ASPHD2: variants seen among roughly 807,000 people sequenced by gnomAD.
The protein encoded by ASPHD2 is aspartate beta-hydroxylase domain containing 2.
ASPHD2 carries 12 observed loss-of-function variants against 34.6 expected under a neutral mutation model. The observed-to-expected ratio is 0.35, with a 90% confidence interval of 0.22 to 0.56. The LOEUF is 0.56. Ranked by LOEUF, ASPHD2 falls within the 20% of genes least tolerant of loss-of-function variation. The pLI, the probability that ASPHD2 is intolerant of heterozygous loss-of-function variation, is 0.87. For missense variants in ASPHD2, 375 were observed against 505.0 expected, an observed-to-expected ratio of 0.74 and a Z score of 2.47; for synonymous variants, 224 against 212.2, an observed-to-expected ratio of 1.06 and a Z score of -0.48.
chr22:26,442,709 C>T (rs2084859388), intron 3 of ASPHD2, 137 bp downstream of exon 3: 5 of 637,318 alleles, frequency 7.8e-6, no homozygotes, highest in Non-Finnish European at 1.4e-5. Flanking sequence ...CACATATACA[C>T]ACACAGTATT....
intron 2 of ASPHD2, among the ~76,000 whole-genome samples, chr22:26,441,900 G>A (rs1338154141): frequency 6.7e-6 from 1 of 149,194 alleles, no homozygotes; most frequent in Non-Finnish European, 1.5e-5. Context: ...TCCAGCCTGG[G>A]CGACAGAGTG....
In ASPHD2 at chr22:26,433,366, A is replaced by C. The variant is rs1397251773; in HGVS notation, c.-224-26A>C. 1.0e-5 allele frequency: 5 copies of C among 488,992 alleles called. No homozygotes were observed. The highest frequency in any genetic ancestry group is 1.8e-5 in the Non-Finnish European group (5 of 281,792). 30.3% of individuals were successfully genotyped at this position (488,992 alleles called of 1,614,324 possible). A position where few individuals can be genotyped will look rare whatever the true frequency, so the allele number is the denominator to read the frequency against. On this transcript the variant is annotated intron_variant, in intron 1 of 3. Transcript: ENST00000215906. This position sits in a 1 kb window ranked among gnomAD's most constrained non-coding sequence, Gnocchi z 5.1. ...GAGGACTTTTCCAGGTGTAAAATTT[A>C]TGCTGATTTTTTTTTTCCATCCCAG...
intron 2 of ASPHD2, among the ~76,000 whole-genome samples, chr22:26,438,674 TACATAC>T: frequency 8.2e-6 from 1 of 122,566 alleles, no homozygotes; most frequent in South Asian, 2.9e-4. Flanking sequence ...TACACATACA[TACATAC>T]ACACACACAC....
chr22:26,442,196 C>CATTA (rs1555883633), intron 2 of ASPHD2, among the ~76,000 whole-genome samples: 1 of 151,264 alleles, frequency 6.6e-6, no homozygotes, highest in African/African-American at 2.4e-5. Context: ...ATGCTGCTCC[C>CATTA]ATTAGGACCC....
intron 1 of ASPHD2, among the ~76,000 whole-genome samples, chr22:26,430,419 G>A (rs542708793): frequency 3.9e-5 from 6 of 152,316 alleles, no homozygotes; most frequent in Non-Finnish European, 7.4e-5. Flanking sequence ...TGGAAGATCT[G>A]GGGTTGCTTA....
chr22:26,432,712 A>T (rs975052676), intron 1 of ASPHD2, among the ~76,000 whole-genome samples: 1 of 152,220 alleles, frequency 6.6e-6, no homozygotes, highest in Non-Finnish European at 1.5e-5. Context: ...TTTTCCTTTC[A>T]TGACCCTATG....
intron 2 of ASPHD2, among the ~76,000 whole-genome samples, chr22:26,441,838 G>A (rs1003904578): frequency 6.6e-5 from 10 of 152,066 alleles, no homozygotes; most frequent in Non-Finnish European, 1.5e-4. Flanking sequence ...CAGGAGAATC[G>A]CTTGAACCCA....
At chr22:26,438,208 T>C (rs2084804598) in intron 2 of ASPHD2, among the ~76,000 whole-genome samples, 1 of 152,156 alleles carries the variant, frequency 6.6e-6, no homozygotes, top group African/African-American at 2.4e-5. Flanking sequence ...AACCAGCCAG[T>C]AGGGGCACAC....
intron 2 of ASPHD2, among the ~76,000 whole-genome samples, chr22:26,441,194 T>C (rs2146134013): frequency 6.6e-6 from 1 of 152,286 alleles, no homozygotes; most frequent in Admixed American, 6.5e-5. Flanking sequence ...TGAAAGGAGG[T>C]GGCCAGGAGC....
chr22:26,438,469 A>C (rs1016429318), intron 2 of ASPHD2, among the ~76,000 whole-genome samples: 22 of 55,424 alleles, frequency 4.0e-4, no homozygotes, highest in African/African-American at 8.9e-4. Flanking sequence ...ATACACACAC[A>C]CATATATATA....
chr22:26,442,105 CAA>C (rs61233112), intron 2 of ASPHD2, among the ~76,000 whole-genome samples: 37,036 of 97,694 alleles, frequency 0.38, 5,026 homozygotes, highest in South Asian at 0.48. Context: ...GACTCCATTT[CAA>C]AAAAAAAAAA....
intron 2 of ASPHD2, 96 bp from the exon 3 acceptor site, chr22:26,442,363 A>C: frequency 1.1e-6 from 1 of 887,084 alleles, no homozygotes; most frequent in Non-Finnish European, 1.8e-6. Context: ...GTGCTTTAGA[A>C]GTCAAAAACT....
intron 2 of ASPHD2, among the ~76,000 whole-genome samples, chr22:26,440,745 A>G (rs2084830840): frequency 6.6e-6 from 1 of 152,226 alleles, no homozygotes; most frequent in African/African-American, 2.4e-5. Context: ...AGAGCACGCC[A>G]TTCTCCAGCC....
In ASPHD2 at chr22:26,429,919, C is replaced by T. The variant is rs1039188163; in HGVS notation, c.-225+433C>T. Among the ~76,000 whole-genome samples the T allele has an allele frequency of 3.3e-5, 5 of 152,158 alleles. No individual in the cohort carries two copies. Among genetic ancestry groups the T allele is most frequent in the African/African-American group, 1.2e-4 (5 of 41,436 alleles). ...ATGAGGCGCCATAAACCTCCTTCCA[C>T]AATCTTGAGCTGATCGTCCACTTTT... On this transcript the variant is annotated intron_variant, in intron 1 of 3. Coordinates refer to ENST00000215906, the MANE Select transcript of ASPHD2 (RefSeq NM_020437.5). The surrounding 1 kb of genome is among the most constrained non-coding windows in gnomAD (Gnocchi z 4.5).
intron 1 of ASPHD2, among the ~76,000 whole-genome samples, chr22:26,432,874 T>C (rs942013913): frequency 6.6e-6 from 1 of 152,220 alleles, no homozygotes; most frequent in Non-Finnish European, 1.5e-5. Flanking sequence ...ATGAAATGCT[T>C]GCAAAGAGAA....
At chr22:26,441,916 C>T (rs2084845772) in intron 2 of ASPHD2, among the ~76,000 whole-genome samples, 1 of 77,168 alleles carries the variant, frequency 1.3e-5, no homozygotes, top group Admixed American at 1.2e-4. Flanking sequence ...GAGTGAGACT[C>T]TGTCTCAAAC....
chr22:26,433,978 C>A lies in ASPHD2; in HGVS notation c.363C>A (p.Gly121=), dbSNP rs770293668. 6.2e-7 allele frequency: 1 copy of A among 1,613,400 alleles called. No homozygotes were observed. Among genetic ancestry groups the A allele is most frequent in the Admixed American group, 1.7e-5 (1 of 60,006 alleles). ...GCGTGCGCTGCACCCACAACGAGGG[C>A]CTCAACCAGAAGCTGTACCACAACC... is the stretch of plus-strand genomic sequence containing the variant. The part of the protein sequence containing the change: ...PECVRCTHNE[G]LNQKLYHNLQ... The change falls in exon 2 of 4, where the codon GGC becomes GGA. Residue 121 remains glycine (G), a synonymous_variant. Transcript: ENST00000215906. This position sits in a 1 kb window ranked among gnomAD's most constrained non-coding sequence, Gnocchi z 5.1.
Position 26,429,862 on chromosome 22 carries a change from C to T in ASPHD2, c.-225+376C>T, listed in dbSNP as rs2084746265. 6.6e-6 allele frequency among the ~76,000 whole-genome samples: 1 copy of T among 152,104 alleles called. No homozygotes were observed. Among genetic ancestry groups the T allele is most frequent in the African/African-American group, 2.4e-5 (1 of 41,420 alleles). Reference sequence around the variant, plus strand: ...AGCATCACCCACTTCCCATATTTCACGTGGTGACCCTCCTCCCCTGTCCCA... The same window carrying T: ...AGCATCACCCACTTCCCATATTTCATGTGGTGACCCTCCTCCCCTGTCCCA... On this transcript the variant is annotated intron_variant, in intron 1 of 3. Transcript: ENST00000215906. The surrounding 1 kb of genome is among the most constrained non-coding windows in gnomAD (Gnocchi z 4.5).
At chr22:26,435,760 G>GAAAAGAAAAGAAAAA (rs2084788712) in intron 2 of ASPHD2, among the ~76,000 whole-genome samples, 2 of 117,582 alleles carry the variant, frequency 1.7e-5, no homozygotes, top group African/African-American at 6.6e-5. Context: ...GAAAAGAAAA[G>GAAAAGAAAAGAAAAA]AAAAATATAA....
Sources: gnomAD v4.1 joint callset for allele counts (sites outside exome capture counted in the v4.1 genomes callset) on GRCh38, gnomAD v4.1.1 for gene constraint, Gnocchi (gnomAD v3.1) non-coding constraint, MANE v1.5 for transcripts, NCBI Gene and HGNC (gene_info 2026-07-23, HGNC 2026-07-21) for gene names.